The following RSRC1 variants were observed in gnomAD, a reference collection of about 807,000 sequenced individuals.
RSRC1 encodes the protein arginine and serine rich coiled-coil 1.
A neutral mutation model predicts 49.1 loss-of-function variants in RSRC1; 39 were observed. The observed-to-expected ratio is 0.79, with a 90% CI of 0.61 to 1.04. RSRC1 has a LOEUF of 1.04. Among genes scored for constraint, RSRC1 ranks in the 50% least tolerant of loss-of-function variants. RSRC1 has a pLI of 0.00. For missense variants in RSRC1, 388 were observed against 402.4 expected (o/e 0.96, Z 0.31); for synonymous variants, 143 against 130.8 (o/e 1.09, Z -0.63).
intron 4 of RSRC1, among the ~76,000 whole-genome samples, chr3:158,246,372 A>G (rs931789800): frequency 6.8e-6 from 1 of 147,588 alleles, no homozygotes; most frequent in African/African-American, 2.5e-5. Context: ...CGTTGTGCAC[A>G]TGTACCTTAA....
intron 4 of RSRC1, among the ~76,000 whole-genome samples, chr3:158,247,569 G>T (rs1364059089): frequency 1.3e-5 from 2 of 152,064 alleles, no homozygotes; most frequent in Non-Finnish European, 2.9e-5. Flanking sequence ...TTTGGATGGG[G>T]TTTTGTGGTT....
intron 5 of RSRC1, among the ~76,000 whole-genome samples, chr3:158,314,713 G>A (rs137881652): frequency 9.9e-4 from 151 of 152,100 alleles, no homozygotes; most frequent in African/African-American, 3.4e-3. Flanking sequence ...TGTGTTTTCC[G>A]GTATGGTTAA....
At chr3:158,393,250 T>G (rs1277368965) in intron 6 of RSRC1, among the ~76,000 whole-genome samples, 1 of 151,794 alleles carries the variant, frequency 6.6e-6, no homozygotes, top group Non-Finnish European at 1.5e-5. Context: ...GCATCACATG[T>G]AGAAGAATGA....
intron 6 of RSRC1, among the ~76,000 whole-genome samples, chr3:158,365,791 A>G (rs185384646): frequency 9.9e-4 from 151 of 152,300 alleles, no homozygotes; most frequent in African/African-American, 3.4e-3. Context: ...CTATTTCTCC[A>G]CATCCTCTCC....
intron 4 of RSRC1, among the ~76,000 whole-genome samples, chr3:158,287,195 CTG>C (rs1726622425): frequency 6.6e-6 from 1 of 152,096 alleles, no homozygotes; most frequent in Admixed American, 6.6e-5. Flanking sequence ...GGATTGTTGA[CTG>C]TGTTACATAT....
intron 7 of RSRC1, among the ~76,000 whole-genome samples, chr3:158,512,078 A>G (rs1303059621): frequency 1.4e-5 from 2 of 143,018 alleles, no homozygotes; most frequent in Admixed American, 1.4e-4. Flanking sequence ...TTGCCTGTTC[A>G]CTCTGATGGT....
intron 7 of RSRC1, among the ~76,000 whole-genome samples, chr3:158,532,572 C>T (rs530074575): frequency 1.3e-5 from 2 of 151,710 alleles, no homozygotes; most frequent in Admixed American, 6.6e-5. Flanking sequence ...GTAACTAATA[C>T]AATTTTTTAA....
chr3:158,303,152 A>G (rs768922185), intron 5 of RSRC1: 8 of 152,244 alleles, frequency 5.3e-5, no homozygotes, highest in Admixed American at 3.9e-4. Context: ...TTTGATGACA[A>G]TACAGCTATT....
chr3:158,420,482 C>T (rs1176650953), intron 6 of RSRC1, among the ~76,000 whole-genome samples: 2 of 151,820 alleles, frequency 1.3e-5, no homozygotes, highest in Admixed American at 1.3e-4. Flanking sequence ...GGTCTTGGTT[C>T]CTGGACCGGT....
intron 7 of RSRC1, among the ~76,000 whole-genome samples, chr3:158,490,504 G>T (rs1209263802): frequency 6.6e-6 from 1 of 152,196 alleles, no homozygotes; most frequent in Non-Finnish European, 1.5e-5. Flanking sequence ...AAAGTAGTAT[G>T]TAGTGATGTA....
Position 158,228,953 on chromosome 3 carries a change from TAAAC to T in RSRC1, c.494+25710_494+25713del, listed in dbSNP as rs1722703939. On this transcript the variant is annotated intron_variant, in intron 4 of 9. Coordinates refer to ENST00000611884, the MANE Select transcript of RSRC1 (RefSeq NM_001271838.2). ...ACACACATACGTGTATATGTGTGTATAAACACACATACGTGTATATGTGTGTATA... is the reference window on the plus strand; with the variant it reads ...ACACACATACGTGTATATGTGTGTATACACATACGTGTATATGTGTGTATA... Among the ~76,000 whole-genome samples, 6 of 142,428 alleles carry T rather than the reference TAAAC, an allele frequency of 4.2e-5. 3 individuals are homozygous for T. 93.4% of individuals were successfully genotyped at this position (142,428 alleles called of 152,430 possible).
chr3:158,501,561 G>A (rs1056920490), intron 7 of RSRC1, among the ~76,000 whole-genome samples: 2 of 151,764 alleles, frequency 1.3e-5, no homozygotes, highest in African/African-American at 4.8e-5. Flanking sequence ...GCATATATGT[G>A]ATATTTTCCT....
intron 3 of RSRC1, among the ~76,000 whole-genome samples, chr3:158,185,799 T>C (rs1719894310): frequency 6.6e-6 from 1 of 151,994 alleles, no homozygotes; most frequent in South Asian, 2.1e-4. Flanking sequence ...GTATATAGCA[T>C]TTTAAGATTA....
At chr3:158,350,179 A>ATT (rs544000982) in intron 5 of RSRC1, among the ~76,000 whole-genome samples, 5,254 of 126,464 alleles carry the variant, frequency 0.042, 340 homozygotes, top group African/African-American at 0.13. Flanking sequence ...TATATATATA[A>ATT]TTTTTTTTTT....
chr3:158,205,049 T>C (rs1721270647), intron 4 of RSRC1, among the ~76,000 whole-genome samples: 2 of 152,340 alleles, frequency 1.3e-5, no homozygotes, highest in African/African-American at 4.8e-5. Context: ...GACCAATTTC[T>C]GGATGGCAAG....
chr3:158,199,661 T>C (rs1378056335), intron 3 of RSRC1, among the ~76,000 whole-genome samples: 1 of 152,208 alleles, frequency 6.6e-6, no homozygotes, highest in Non-Finnish European at 1.5e-5. Context: ...TATAAATTTC[T>C]CCCTAAACGT....
intron 7 of RSRC1, among the ~76,000 whole-genome samples, chr3:158,530,913 TAAAA>T (rs200580489): frequency 5.2e-5 from 5 of 95,628 alleles, no homozygotes; most frequent in East Asian, 6.2e-4. Context: ...AAATAATAAA[TAAAA>T]AAAAAAAGAA....
At chr3:158,362,751 C>T (rs1281453244) in intron 6 of RSRC1, among the ~76,000 whole-genome samples, 1 of 152,202 alleles carries the variant, frequency 6.6e-6, no homozygotes, top group Non-Finnish European at 1.5e-5. Flanking sequence ...TTGATAGCCC[C>T]ATTCCAAACA....
intron 7 of RSRC1, among the ~76,000 whole-genome samples, chr3:158,490,596 A>G (rs1015622940): frequency 2.0e-5 from 3 of 152,228 alleles, no homozygotes; most frequent in Non-Finnish European, 4.4e-5. Flanking sequence ...CAAATTAAGA[A>G]TGAATTATCA....
Sources: gnomAD v4.1 joint callset for allele counts (sites outside exome capture counted in the v4.1 genomes callset) on GRCh38, gnomAD v4.1.1 for gene constraint, MANE v1.5 for transcripts, NCBI Gene and HGNC (gene_info 2026-07-23, HGNC 2026-07-21) for gene names.